EMSY: variants seen among roughly 807,000 people sequenced by gnomAD.
EMSY encodes the protein BRCA2-interacting transcriptional repressor EMSY.
In EMSY, 26 loss-of-function variants were observed where a neutral mutation model predicts 134.6. The observed-to-expected ratio is 0.19, with a 90% CI of 0.14 to 0.27. EMSY has a LOEUF of 0.27. Among genes scored for constraint, EMSY ranks in the 10% least tolerant of loss-of-function variants. The pLI is 1.00. For missense variants in EMSY, 1,305 were observed against 1,611.4 expected (o/e 0.81, Z 3.26); for synonymous variants, 579 against 577.8 (o/e 1.00, Z -0.03).
At chr11:76,486,170 A>T (rs958276520) in intron 8 of EMSY, among the ~76,000 whole-genome samples, 2 of 152,086 alleles carry the variant, frequency 1.3e-5, no homozygotes, top group Non-Finnish European at 1.5e-5. Context: ...CAAACACCAA[A>T]TATTCTCACT....
chr11:76,502,062 A>T (rs971704853), intron 9 of EMSY, among the ~76,000 whole-genome samples: 8 of 144,580 alleles, frequency 5.5e-5, no homozygotes, highest in Non-Finnish European at 1.2e-4. Flanking sequence ...AAAAAAAAAA[A>T]CCCACCAACT....
chr11:76,522,251 A>G (rs1950667318), intron 11 of EMSY, among the ~76,000 whole-genome samples: 1 of 150,392 alleles, frequency 6.6e-6, no homozygotes, highest in South Asian at 2.1e-4. Context: ...ATATAAGTTT[A>G]TATATGCAAA....
intron 15 of EMSY, 106 bp from the exon 17 acceptor site, chr11:76,537,689 G>T: frequency 1.0e-6 from 1 of 989,290 alleles, no homozygotes; most frequent in East Asian, 2.6e-5. Flanking sequence ...CTTAGTCACT[G>T]CCAGTGTGGC....
chr11:76,464,220 T>G (rs1045472144), intron 7 of EMSY, 140 bp downstream of exon 8: 3 of 1,093,186 alleles, frequency 2.7e-6, no homozygotes, highest in Non-Finnish European at 3.9e-6. Flanking sequence ...TGTTTAATTT[T>G]CCAGATAAGG....
chr11:76,516,062 G>A, intron 10 of EMSY, 80 bp from the exon 12 acceptor site: 2 of 1,193,388 alleles, frequency 1.7e-6, no homozygotes, highest in South Asian at 3.2e-5. Flanking sequence ...AGATTATATG[G>A]AATTACAGTT....
intron 8 of EMSY, among the ~76,000 whole-genome samples, chr11:76,478,244 G>C (rs935900786): frequency 9.2e-5 from 14 of 151,502 alleles, no homozygotes; most frequent in Non-Finnish European, 1.9e-4. Flanking sequence ...TAGTTTAGGA[G>C]AACAATAGAG....
intron 7 of EMSY, among the ~76,000 whole-genome samples, chr11:76,465,976 C>T (rs980658351): frequency 1.3e-5 from 2 of 152,138 alleles, no homozygotes; most frequent in African/African-American, 2.4e-5. Flanking sequence ...ATATCCCAGT[C>T]TCCTGCCTCG....
chr11:76,513,598 C>T, intron 10 of EMSY, 63 bp downstream of exon 11: 3 of 1,549,512 alleles, frequency 1.9e-6, no homozygotes, highest in Non-Finnish European at 2.6e-6. Context: ...TTTCTCTGTA[C>T]CAGCAATATG....
At chr11:76,529,019 C>T (rs901178546) in intron 14 of EMSY, among the ~76,000 whole-genome samples, 3 of 152,056 alleles carry the variant, frequency 2.0e-5, no homozygotes, top group African/African-American at 7.2e-5. Flanking sequence ...TATGGTTGTC[C>T]TAATTATATG....
chr11:76,535,517 G>A (rs143573498), intron 14 of EMSY, among the ~76,000 whole-genome samples: 5 of 152,186 alleles, frequency 3.3e-5, no homozygotes, highest in East Asian at 1.9e-4. Context: ...ACACATATGC[G>A]TATCTATTTA....
chr11:76,523,637 G>T (rs556298625), intron 12 of EMSY, among the ~76,000 whole-genome samples: 2 of 151,532 alleles, frequency 1.3e-5, no homozygotes, highest in African/African-American at 4.9e-5. Context: ...TTAGTATTTG[G>T]CTTAGGGTGG....
At chr11:76,506,767 A>G (rs1051883216) in intron 9 of EMSY, among the ~76,000 whole-genome samples, 1 of 152,212 alleles carries the variant, frequency 6.6e-6, no homozygotes, top group African/African-American at 2.4e-5. Context: ...TACTGGTAGG[A>G]AAATAAATCG....
intron 8 of EMSY, among the ~76,000 whole-genome samples, chr11:76,488,943 A>G (rs1323564907): frequency 6.6e-6 from 1 of 152,246 alleles, no homozygotes; most frequent in East Asian, 1.9e-4. Context: ...AATCTTTCCT[A>G]GAAGTCTTCC....
rs1372093485 is a variant in EMSY at position 76,464,154 on chromosome 11, A to C, written c.831+74A>C. The C allele has an allele frequency of 4.4e-5, 68 of 1,543,722 alleles. No individual in the cohort carries two copies. The Admixed American group carries it at 7.5e-4, about 17-fold the overall frequency. The stretch of plus-strand genomic sequence containing the variant: ...TATGATTCAGATTTAATAAACATGC[A>C]CTGAGTGCTTACTATGTGCTTGGCA... On this transcript the variant is annotated intron_variant, in intron 7 of 20. Transcript: ENST00000334736.
At chr11:76,489,315 C>CTTTTTTTTTTTTTT (rs57048007) in intron 8 of EMSY, among the ~76,000 whole-genome samples, 3 of 128,166 alleles carry the variant, frequency 2.3e-5, no homozygotes, top group Admixed American at 7.7e-5. Context: ...TTCTTGTTTT[C>CTTTTTTTTTTTTTT]TTTTTTTTTT....
chr11:76,512,035 G>A (rs192895327), intron 9 of EMSY, among the ~76,000 whole-genome samples: 3 of 152,154 alleles, frequency 2.0e-5, no homozygotes, highest in Admixed American at 6.5e-5. Context: ...ATTATGTAAG[G>A]CTATTAAATA....
exon 21 of EMSY, chr11:76,550,169 T>G (rs1462298375): frequency 6.5e-7 from 1 of 1,539,954 alleles, no homozygotes; most frequent in African/African-American, 1.4e-5. Flanking sequence ...ATAGTGCACT[T>G]TAAAACCTGC....
At chr11:76,474,010 A>G (rs1230350193) in intron 8 of EMSY, among the ~76,000 whole-genome samples, 1 of 151,752 alleles carries the variant, frequency 6.6e-6, no homozygotes, top group African/African-American at 2.4e-5. Context: ...CACACCTGTA[A>G]TCCCAGCTAC....
At chr11:76,509,111 TA>T (rs995516737) in intron 9 of EMSY, among the ~76,000 whole-genome samples, 10 of 151,422 alleles carry the variant, frequency 6.6e-5, no homozygotes, top group African/African-American at 1.7e-4. Flanking sequence ...GATATAATAA[TA>T]AAAAAAAACT....
Sources: allele counts gnomAD v4.1 joint callset (sites outside exome capture counted in the v4.1 genomes callset), GRCh38; gene constraint gnomAD v4.1.1; transcripts MANE v1.5; gene names NCBI Gene and HGNC (gene_info 2026-07-23, HGNC 2026-07-21).